Variants in EPAS1 observed in about 807,000 individuals in gnomAD.
The protein encoded by EPAS1 is endothelial PAS domain protein 1, also known as endothelial PAS domain-containing protein 1.
Under a neutral mutation model 87.9 loss-of-function variants are expected in EPAS1, and 23 were observed. The observed-to-expected ratio is 0.26, with a 90% CI of 0.19 to 0.37. The LOEUF is 0.37. EPAS1 is among the 10% of genes least tolerant of loss of function. The probability of loss-of-function intolerance (pLI) is 1.00; values close to 1 mark genes in which losing one functional copy is unlikely to be tolerated. For missense variants in EPAS1, 1,138 were observed against 1,120.7 expected, an observed-to-expected ratio of 1.02 and a Z score of -0.22; for synonymous variants, 508 against 444.3, an observed-to-expected ratio of 1.14 and a Z score of -1.80.
At chr2:46,301,533 C>T (rs1682997531) in intron 1 of EPAS1, among the ~76,000 whole-genome samples, 1 of 149,358 alleles carries the variant, frequency 6.7e-6, no homozygotes, top group South Asian at 2.1e-4. Context: ...GCGGAGATAG[C>T]GCTGCTGCAC....
chr2:46,380,316 G>C lies in EPAS1; in HGVS notation c.1644G>C (p.Glu548Asp), dbSNP rs1466364782. ...EDFQLSPICP[E>D]ERLLAENPQS... ...TCCAGCTAAGCCCCATCTGCCCCGA[G>C]GAGCGGCTCTTGGCGGAGAACCCAC... The change falls in exon 12 of 16, where the codon GAG becomes GAC. Residue 548 changes from glutamate to aspartate, a missense_variant. By Grantham distance (45) the Glu-to-Asp change is conservative. Transcript: ENST00000263734. This position sits in a 1 kb window ranked among gnomAD's most constrained non-coding sequence, Gnocchi z 4.4. The C allele has an allele frequency of 6.2e-7, 1 of 1,614,118 alleles. No individual in the cohort carries two copies.
chr2:46,383,032 G>GT (rs1684937608), intron 15 of EPAS1, among the ~76,000 whole-genome samples: 1 of 152,234 alleles, frequency 6.6e-6, no homozygotes, highest in South Asian at 2.1e-4. Flanking sequence ...AGAGAGTTGG[G>GT]AAGCGGTCTG....
chr2:46,309,524 ATAGT>A (rs1324617133), intron 1 of EPAS1, among the ~76,000 whole-genome samples: 1 of 152,234 alleles, frequency 6.6e-6, no homozygotes, highest in Non-Finnish European at 1.5e-5. Context: ...TGTGTTGGGA[ATAGT>A]TAGGGAAGTG....
At chr2:46,333,216 C>T (rs897344399) in intron 1 of EPAS1, among the ~76,000 whole-genome samples, 7 of 152,148 alleles carry the variant, frequency 4.6e-5, no homozygotes, top group Admixed American at 1.3e-4. Flanking sequence ...GCTGGGGGAC[C>T]GTGACTGATT....
chr2:46,301,783 C>G (rs1683005404), intron 1 of EPAS1, among the ~76,000 whole-genome samples: 1 of 148,568 alleles, frequency 6.7e-6, no homozygotes, highest in African/African-American at 2.5e-5. Flanking sequence ...ATTATCAACA[C>G]CTTTAGGCTG....
At chr2:46,345,999 G>T (rs1175188619) in intron 1 of EPAS1, among the ~76,000 whole-genome samples, 1 of 152,190 alleles carries the variant, frequency 6.6e-6, no homozygotes, top group Non-Finnish European at 1.5e-5. Flanking sequence ...CAGTTTAAAT[G>T]ATTTATTTAC....
rs550509383 is a variant in EPAS1, at chr2:46,339,208, T to A, written c.27-7665T>A. Among the ~76,000 whole-genome samples, 6 of 152,354 alleles carry A rather than the reference T, an allele frequency of 3.9e-5. No homozygotes were observed. The South Asian group carries it at 1.2e-3, about 32-fold the overall frequency. On this transcript the variant is annotated intron_variant, in intron 1 of 15. Transcript: ENST00000263734. ...AAAGAGCAAAGTATTAATTTATAAA[T>A]CCAATGAGATCTCAGCTCGTTTTCT...
chr2:46,299,203 C>T (rs1355969911), intron 1 of EPAS1, among the ~76,000 whole-genome samples: 1 of 152,250 alleles, frequency 6.6e-6, no homozygotes, highest in African/African-American at 2.4e-5. Flanking sequence ...TCGAAAGCAG[C>T]GGTTCCCACC....
At chr2:46,372,235 A>C (rs911307625) in intron 7 of EPAS1, among the ~76,000 whole-genome samples, 13 of 152,204 alleles carry the variant, frequency 8.5e-5, no homozygotes, top group East Asian at 3.8e-4. Context: ...ATAGCTAGCC[A>C]AGGGAAATCT....
At chr2:46,381,933 C>T (rs1438258180) in intron 13 of EPAS1, 42 bp from the exon 14 acceptor site, 1 of 619,248 alleles carries the variant, frequency 1.6e-6, no homozygotes, top group Non-Finnish European at 2.9e-6. Flanking sequence ...GGACCTGGTT[C>T]TCTGGCCATT....
At chr2:46,356,074 C>T (rs1394928564) in intron 2 of EPAS1, 77 bp from the exon 3 acceptor site, 2 of 1,496,110 alleles carry the variant, frequency 1.3e-6, no homozygotes, top group East Asian at 2.3e-5. Context: ...CCATCCCTGG[C>T]AAATGCCTAT....
rs745374301 is a variant in EPAS1 at position 46,361,036 on chromosome 2, A to T, written c.725A>T (p.Lys242Met). Residue 242 changes from lysine to methionine, a missense_variant, in exon 6 of 16, where the codon AAG (lysine) becomes ATG (methionine). Physicochemically the swap from Lys to Met is moderately conservative, Grantham distance 95 (BLOSUM62 -1). This residue lies in a region of EPAS1 where 351 missense variants were observed against 417.1 expected (regional missense o/e 0.84). Transcript: ENST00000263734. ...PSHMDIPLDS[K>M]TFLSRHSMDM... ...CACATGGACATCCCCCTGGATAGCA[A>T]GACCTTCCTGAGCCGCCACAGCATG... is the stretch of plus-strand genomic sequence containing the variant. 1.2e-6 allele frequency: 2 copies of T among 1,614,146 alleles called. No homozygotes were observed. The highest frequency in any genetic ancestry group is 1.7e-5 in the Admixed American group (1 of 60,022).
chr2:46,303,646 G>T (rs1026122362), intron 1 of EPAS1, among the ~76,000 whole-genome samples: 8 of 152,176 alleles, frequency 5.3e-5, no homozygotes, highest in African/African-American at 9.7e-5. Flanking sequence ...AGAGGCTGGC[G>T]TGTAAATCTC....
intron 1 of EPAS1, among the ~76,000 whole-genome samples, chr2:46,318,831 G>T (rs1256458991): frequency 6.6e-6 from 1 of 152,166 alleles, no homozygotes; most frequent in Non-Finnish European, 1.5e-5. Flanking sequence ...GCATTATCAT[G>T]TTACATGCTA....
chr2:46,382,237 G>A (rs964544622), intron 14 of EPAS1, 148 bp downstream of exon 14: 20 of 1,039,792 alleles, frequency 1.9e-5, no homozygotes, highest in African/African-American at 1.9e-4. Context: ...TGTCTCTCCC[G>A]CAGTCCCACA....
At chr2:46,374,383 T>G (rs1028343311) in intron 7 of EPAS1, among the ~76,000 whole-genome samples, 6 of 152,162 alleles carry the variant, frequency 3.9e-5, no homozygotes, top group African/African-American at 1.4e-4. Flanking sequence ...TATTAGTATC[T>G]CTAAGAAAGA....
At position 46,376,696 on chromosome 2, in the gene EPAS1, G is replaced by C; in HGVS notation, c.1192G>C (p.Glu398Gln). Reference protein sequence around the residue: ...FLFTKLKEEPEELAQLAPTPG... With the variant: ...FLFTKLKEEPQELAQLAPTPG... ...ATTCACCAAGCTAAAGGAGGAGCCC[G>C]AGGAGCTGGCCCAGCTGGCTCCCAC... Residue 398 changes from glutamate (E) to glutamine (Q), a missense_variant, in exon 9 of 16, where the codon GAG becomes CAG. Glu to Gln is a conservative substitution (Grantham distance 29). Transcript: ENST00000263734. 2 of 1,613,650 alleles carry C rather than the reference G, an allele frequency of 1.2e-6. No individual in the cohort carries two copies. Among genetic ancestry groups the C allele is most frequent in the Admixed American group, 1.7e-5 (1 of 60,024 alleles).
Position 46,362,207 on chromosome 2 carries a change from ATCT to A in EPAS1, c.779+1121_779+1123del, listed in dbSNP as rs1684408506. 2.0e-5 allele frequency among the ~76,000 whole-genome samples: 3 copies of A among 152,278 alleles called. No homozygotes were observed. In the South Asian group the frequency reaches 6.2e-4, roughly 32 times the overall value. ...CCCAACTCTTTGCCACTCTTCTCTC[ATCT>A]TCTAGGGTTTCTCCTCAGGAAACCC... On this transcript the variant is annotated intron_variant, in intron 6 of 15. Transcript: ENST00000263734.
intron 15 of EPAS1, 65 bp downstream of exon 15, chr2:46,382,663 C>CT (rs1684927302): frequency 5.6e-6 from 9 of 1,598,314 alleles, no homozygotes; most frequent in South Asian, 1.1e-5. Context: ...CCCACGTCTA[C>CT]TTTTTTTCCA....
Sources: gnomAD v4.1 joint callset for allele counts (sites outside exome capture counted in the v4.1 genomes callset) on GRCh38, gnomAD v4.1.1 for gene constraint, gnomAD v4.1.1 regional missense constraint, Gnocchi (gnomAD v3.1) non-coding constraint, MANE v1.5 for transcripts, NCBI Gene and HGNC (gene_info 2026-07-23, HGNC 2026-07-21) for gene names.